Variants in FER1L6 observed in about 807,000 individuals in gnomAD.
The protein encoded by FER1L6 is fer-1-like protein 6.
A neutral mutation model predicts 219.2 loss-of-function variants in FER1L6; 177 were observed. That is an observed-to-expected ratio of 0.81 (90% CI 0.71 to 0.91). The LOEUF (loss-of-function observed/expected upper bound fraction) is 0.91. FER1L6 is among the 40% of genes least tolerant of loss of function. The pLI is 0.00. For missense variants in FER1L6, 2,153 were observed against 2,259.9 expected, an observed-to-expected ratio of 0.95 and a Z score of 0.96; for synonymous variants, 768 against 824.3, an observed-to-expected ratio of 0.93 and a Z score of 1.17.
intron 15 of FER1L6, 130 bp from the exon 16 acceptor site, chr8:124,017,498 A>C (rs1818252163): frequency 3.1e-6 from 2 of 646,402 alleles, no homozygotes; most frequent in African/African-American, 3.7e-5. Flanking sequence ...TTAATCCTAA[A>C]TTAAAAATAT....
chr8:124,060,503 T>C, intron 23 of FER1L6, 45 bp from the exon 24 acceptor site: 2 of 1,605,556 alleles, frequency 1.2e-6, no homozygotes, highest in Non-Finnish European at 1.7e-6. Flanking sequence ...GGTGTGGGGC[T>C]CCTCCGTGGA....
intron 39 of FER1L6, among the ~76,000 whole-genome samples, chr8:124,114,813 TATGTATGTAC>T (rs1823166403): frequency 6.7e-6 from 1 of 150,296 alleles, no homozygotes. Context: ...TGATCTTATA[TATGTATGTAC>T]ATGCATGTAT....
At chr8:123,861,896 T>G (rs943906053) in intron 1 of FER1L6, among the ~76,000 whole-genome samples, 2 of 114,350 alleles carry the variant, frequency 1.7e-5, no homozygotes, top group African/African-American at 3.6e-5. Context: ...GATGGGGTTT[T>G]CTAGATAAAC....
At position 124,074,205 on chromosome 8, in the gene FER1L6, A is replaced by C. The variant is rs7821363; in HGVS notation, c.4093-1993A>C. 3.2e-3 allele frequency among the ~76,000 whole-genome samples: 492 copies of C among 152,336 alleles called. 18 individuals carry two copies. The East Asian group carries it at 0.07, about 22-fold the overall frequency. On this transcript the variant is annotated intron_variant, in intron 31 of 40. Coordinates refer to ENST00000522917, the MANE Select transcript of FER1L6 (RefSeq NM_001039112.2). ...GTCTAGAATCAGACTTTACTCTCAG[A>C]AAAGATCATCATTCAACTGGTCAGT...
At chr8:123,926,454 C>A (rs558094007) in intron 1 of FER1L6, among the ~76,000 whole-genome samples, 1 of 152,122 alleles carries the variant, frequency 6.6e-6, no homozygotes, top group Non-Finnish European at 1.5e-5. Flanking sequence ...GGTTGGCCTG[C>A]GGCCAGCTCT....
intron 1 of FER1L6, among the ~76,000 whole-genome samples, chr8:123,927,361 A>G (rs1324912536): frequency 6.6e-6 from 1 of 152,218 alleles, no homozygotes; most frequent in African/African-American, 2.4e-5. Context: ...GCTTCATGAA[A>G]GAAATTTTCT....
chr8:123,922,974 C>A lies in FER1L6; in HGVS notation c.-7-33018C>A, dbSNP rs191064137. On this transcript the variant is annotated intron_variant, in intron 1 of 40. Transcript: ENST00000522917. ...ACTCAATAGCTGAGATTTATACAGC[C>A]CCCCCCCAGACCCCCATTCTGTCTT... Among the ~76,000 whole-genome samples the A allele has an allele frequency of 9.7e-3, 549 of 56,664 alleles. 3 individuals are homozygous for A. The highest frequency in any genetic ancestry group is 0.037 in the African/African-American group (517 of 13,858). 37.2% of individuals were successfully genotyped at this position (56,664 alleles called of 152,430 possible). A position where few individuals can be genotyped will look rare whatever the true frequency, so the allele number is the denominator to read the frequency against.
chr8:124,052,283 T>G (rs1436815089), intron 22 of FER1L6, among the ~76,000 whole-genome samples: 1 of 152,212 alleles, frequency 6.6e-6, no homozygotes, highest in Non-Finnish European at 1.5e-5. Flanking sequence ...TGTTTTATCC[T>G]TCTAACTACT....
intron 37 of FER1L6, among the ~76,000 whole-genome samples, chr8:124,100,508 G>A (rs557325896): frequency 2.6e-5 from 4 of 152,306 alleles, no homozygotes; most frequent in African/African-American, 9.6e-5. Flanking sequence ...TACAGTCAGA[G>A]TTGGAATCCA....
chr8:123,894,750 G>T (rs1482074055), intron 1 of FER1L6, among the ~76,000 whole-genome samples: 8 of 152,072 alleles, frequency 5.3e-5, no homozygotes, highest in Non-Finnish European at 1.2e-4. Context: ...CCTAAAAGAA[G>T]GAGGTACTCT....
intron 1 of FER1L6, among the ~76,000 whole-genome samples, chr8:123,920,150 A>G (rs1232145806): frequency 6.6e-6 from 1 of 152,188 alleles, no homozygotes; most frequent in Non-Finnish European, 1.5e-5. Flanking sequence ...TTTGTTCTTG[A>G]GGTTGACAGA....
At chr8:123,922,170 G>T (rs1210120265) in intron 1 of FER1L6, among the ~76,000 whole-genome samples, 1 of 152,164 alleles carries the variant, frequency 6.6e-6, no homozygotes, top group Middle Eastern at 3.2e-3. Context: ...TGCACCCGGT[G>T]CCCTGCTCCC....
At chr8:123,967,397 G>A (rs1815596914) in intron 5 of FER1L6, among the ~76,000 whole-genome samples, 1 of 152,172 alleles carries the variant, frequency 6.6e-6, no homozygotes, top group Non-Finnish European at 1.5e-5. Context: ...CTTCCTGGCT[G>A]AAGAGTTTTT....
chr8:123,883,699 C>A (rs181532724), intron 1 of FER1L6, among the ~76,000 whole-genome samples: 1 of 152,302 alleles, frequency 6.6e-6, no homozygotes, highest in East Asian at 1.9e-4. Context: ...GATTCAGTGT[C>A]TGGTGAGGGT....
rs771879378 is a variant in FER1L6, at chr8:124,101,179, C to T, written c.4966C>T (p.Arg1656Cys). The change falls in exon 38 of 41, where the codon CGC (arginine) becomes TGC (cysteine). Residue 1656 changes from arginine to cysteine, a missense_variant. Coordinates refer to ENST00000522917, the MANE Select transcript of FER1L6 (RefSeq NM_001039112.2). ...GACTGGAGAGGGCAACTTCAACTGG[C>T]GCTTCCTGTTTCCCTTTCAGTATCT... ...SLTGEGNFNW[R>C]FLFPFQYLPA... 31 of 1,613,718 alleles carry T rather than the reference C, an allele frequency of 1.9e-5. No homozygotes were observed. Among genetic ancestry groups the T allele is most frequent in the Middle Eastern group, 1.6e-4 (1 of 6,084 alleles).
At chr8:123,876,309 A>G (rs1000451751) in intron 1 of FER1L6, among the ~76,000 whole-genome samples, 2 of 149,370 alleles carry the variant, frequency 1.3e-5, no homozygotes, top group Non-Finnish European at 3.0e-5. Context: ...CTTCACTCAG[A>G]TCTATTTAAA....
At chr8:123,990,616 A>G (rs954113910) in intron 12 of FER1L6, among the ~76,000 whole-genome samples, 1 of 152,154 alleles carries the variant, frequency 6.6e-6, no homozygotes, top group Admixed American at 6.5e-5. Flanking sequence ...TATTCTGGAT[A>G]TTAGTCCTTT....
intron 6 of FER1L6, among the ~76,000 whole-genome samples, chr8:123,970,852 T>C (rs1358093011): frequency 6.6e-6 from 1 of 152,180 alleles, no homozygotes; most frequent in African/African-American, 2.4e-5. Context: ...CAAATGGGAT[T>C]GTTACAAACT....
chr8:123,882,689 G>A (rs1817129548), intron 1 of FER1L6, among the ~76,000 whole-genome samples: 2 of 152,190 alleles, frequency 1.3e-5, no homozygotes, highest in Non-Finnish European at 2.9e-5. Context: ...AGGGAAATGA[G>A]AAGAGGGCCC....
Sources: allele counts gnomAD v4.1 joint callset (sites outside exome capture counted in the v4.1 genomes callset), GRCh38; gene constraint gnomAD v4.1.1; transcripts MANE v1.5; gene names NCBI Gene and HGNC (gene_info 2026-07-23, HGNC 2026-07-21).